The following TNRC6A variants were observed in gnomAD, a reference collection of about 807,000 sequenced individuals.
The protein encoded by TNRC6A is trinucleotide repeat-containing gene 6A protein.
A neutral mutation model predicts 221.2 loss-of-function variants in TNRC6A; 44 were observed. The ratio of observed to expected loss-of-function variants is 0.20; its 90% CI spans 0.16 to 0.26. TNRC6A has a LOEUF of 0.26. Among genes scored for constraint, TNRC6A ranks in the 10% least tolerant of loss-of-function variants. TNRC6A has a pLI of 1.00. For synonymous variants in TNRC6A, 847 were observed against 838.5 expected (o/e 1.01, Z -0.18); for missense variants, 2,199 against 2,404.4 (o/e 0.91, Z 1.79).
chr16:24,778,494 G>A (rs2057773210), intron 5 of TNRC6A: 17 of 985,154 alleles, frequency 1.7e-5, no homozygotes, highest in Non-Finnish European at 2.0e-5. Context: ...TAGGCACATT[G>A]TTATTGGAAA....
intron 20 of TNRC6A, among the ~76,000 whole-genome samples, chr16:24,817,409 C>T (rs1283301463): frequency 6.6e-6 from 1 of 152,028 alleles, no homozygotes; most frequent in Non-Finnish European, 1.5e-5. Context: ...TTGTAAAAGA[C>T]GTTATATTAT....
chr16:24,730,124 C>T lies in TNRC6A; in HGVS notation c.6-129C>T. ...GCCCCGCAGCTTTGTGAGTCCCCCT[C>T]CCCCCGTCCTCTCCCCTCCCCCATC... On this transcript the variant is annotated intron_variant, in intron 1 of 24. Transcript: ENST00000395799. 3 of 647,412 alleles carry T rather than the reference C, an allele frequency of 4.6e-6. 1 individual carries two copies. The highest frequency in any genetic ancestry group is 4.3e-5 in the South Asian group (2 of 46,194). The allele number at this position is 647,412 out of a possible 1,614,324, so 40.1% of individuals were successfully genotyped here. A position where few individuals can be genotyped will look rare whatever the true frequency, so the allele number is the denominator to read the frequency against.
chr16:24,793,791 G>C (rs940880140), intron 7 of TNRC6A, 142 bp downstream of exon 7: 20 of 801,010 alleles, frequency 2.5e-5, no homozygotes, highest in East Asian at 1.7e-4. Flanking sequence ...TCAGTATTTT[G>C]CTCTTTGATT....
rs141932841 is a variant in TNRC6A, at chr16:24,740,947, G to A, written c.54-9779G>A. On this transcript the variant is annotated intron_variant, in intron 2 of 24. Transcript: ENST00000395799. Reference sequence around the variant, plus strand: ...ACTTAGCATAGTGTCCTCAAGATTTGTCCATATTGTAGCGTGTGTCAGCCA... The same window carrying A: ...ACTTAGCATAGTGTCCTCAAGATTTATCCATATTGTAGCGTGTGTCAGCCA... 8.3e-4 allele frequency among the ~76,000 whole-genome samples: 126 copies of A among 152,254 alleles called. 1 individual carries two copies. Among genetic ancestry groups the A allele is most frequent in the African/African-American group, 2.9e-3 (121 of 41,558 alleles).
chr16:24,722,345 T>A (rs900013331), intron 2 of TNRC6A, among the ~76,000 whole-genome samples: 1 of 152,172 alleles, frequency 6.6e-6, no homozygotes, highest in Non-Finnish European at 1.5e-5. Context: ...GCCCAGGAGT[T>A]TGAGGCTGCA....
chr16:24,656,987 T>C (rs918641725), intron 2 of TNRC6A, among the ~76,000 whole-genome samples: 2 of 152,084 alleles, frequency 1.3e-5, no homozygotes, highest in Non-Finnish European at 2.9e-5. Context: ...AATAAAACCA[T>C]GACCTGGGTC....
At chr16:24,625,720 G>A (rs1246143634) in intron 1 of TNRC6A, among the ~76,000 whole-genome samples, 5 of 123,542 alleles carry the variant, frequency 4.0e-5, no homozygotes, top group African/African-American at 1.4e-4. Context: ...GCGACAGAGC[G>A]AGACTCCGTC....
intron 2 of TNRC6A, among the ~76,000 whole-genome samples, chr16:24,736,151 A>G (rs1689333820): frequency 1.3e-5 from 2 of 152,236 alleles, no homozygotes; most frequent in South Asian, 4.1e-4. Flanking sequence ...GCCTGGGCAC[A>G]AAAGCAAAAC....
rs977996672 is a variant in TNRC6A at position 24,825,214 on chromosome 16, A to C, written c.*1407A>C. 7 of 152,624 alleles carry C rather than the reference A, an allele frequency of 4.6e-5. No homozygotes were observed. The highest frequency in any genetic ancestry group is 1.7e-4 in the African/African-American group (7 of 41,532). 9.5% of individuals were successfully genotyped at this position (152,624 alleles called of 1,614,324 possible). On this transcript the variant is annotated 3_prime_UTR_variant, in exon 25 of 25. Coordinates refer to ENST00000395799, the MANE Select transcript of TNRC6A (RefSeq NM_014494.4). Reference sequence around the variant, plus strand: ...TTTCCTCCCCCCTTTTTTTGCCCACAAATGGTATTATAATGCTTGCTTAGT... The same window carrying C: ...TTTCCTCCCCCCTTTTTTTGCCCACCAATGGTATTATAATGCTTGCTTAGT...
intron 3 of TNRC6A, among the ~76,000 whole-genome samples, chr16:24,757,683 T>G (rs766815149): frequency 9.9e-5 from 15 of 152,180 alleles, no homozygotes; most frequent in Non-Finnish European, 1.9e-4. Context: ...GAGCAGACAT[T>G]GGAAGGCAGT....
At chr16:24,612,127 A>C (rs1365897674) in intron 1 of TNRC6A, among the ~76,000 whole-genome samples, 1 of 152,120 alleles carries the variant, frequency 6.6e-6, no homozygotes, top group African/African-American at 2.4e-5. Context: ...AAAGTAAAGT[A>C]AAATTAAATT....
intron 15 of TNRC6A, 106 bp downstream of exon 15, chr16:24,805,839 G>A: frequency 7.1e-7 from 1 of 1,410,900 alleles, no homozygotes; most frequent in South Asian, 1.3e-5. Flanking sequence ...AACAGGCGTA[G>A]TCATAGTCCT....
chr16:24,805,286 CTA>C, intron 14 of TNRC6A, 135 bp downstream of exon 14: 1 of 1,280,132 alleles, frequency 7.8e-7, no homozygotes. Context: ...TTTGAATTAA[CTA>C]TTAAAAAAGG....
chr16:24,819,117 GCTGT>G (rs1388916196), intron 21 of TNRC6A, among the ~76,000 whole-genome samples: 1 of 152,198 alleles, frequency 6.6e-6, no homozygotes, highest in Non-Finnish European at 1.5e-5. Flanking sequence ...ATGTCAGGTT[GCTGT>G]CTGTCTACAT....
At chr16:24,760,576 T>G (rs1359020818) in intron 4 of TNRC6A, among the ~76,000 whole-genome samples, 1 of 152,186 alleles carries the variant, frequency 6.6e-6, no homozygotes, top group Non-Finnish European at 1.5e-5. Context: ...TTGTTCCCAT[T>G]TTTTCTGATT....
At chr16:24,691,249 C>T (rs921119016) in intron 2 of TNRC6A, among the ~76,000 whole-genome samples, 1 of 151,878 alleles carries the variant, frequency 6.6e-6, no homozygotes, top group Non-Finnish European at 1.5e-5. Context: ...ACAGAGTCTT[C>T]CTCTATCACC....
In TNRC6A at chr16:24,790,765, T is replaced by G. The variant is rs1361326158; in HGVS notation, c.2123T>G (p.Val708Gly). The G allele has an allele frequency of 3.1e-6, 5 of 1,614,012 alleles. No individual in the cohort carries two copies. The highest frequency in any genetic ancestry group is 4.2e-6 in the Non-Finnish European group (5 of 1,180,036). Residue 708 changes from valine to glycine, a missense_variant, in exon 6 of 25, where the codon GTA (valine) becomes GGA (glycine). This residue lies in a region of TNRC6A where 1,405 missense variants were observed against 1,400.2 expected (regional missense o/e 1.00). Coordinates refer to ENST00000395799, the MANE Select transcript of TNRC6A (RefSeq NM_014494.4). The stretch of plus-strand genomic sequence containing the variant: ...CAGCACACATTACTCCAAAGCATTG[T>G]AAACAGAACTGACTTAGATCCACGT... ...IDQHTLLQSI[V>G]NRTDLDPRVL...
At chr16:24,765,247 A>G (rs904041691) in intron 4 of TNRC6A, among the ~76,000 whole-genome samples, 2 of 152,212 alleles carry the variant, frequency 1.3e-5, no homozygotes, top group Non-Finnish European at 2.9e-5. Flanking sequence ...CTGGATTCTC[A>G]GAGGAGAAAA....
chr16:24,793,808 C>A (rs145155278), intron 7 of TNRC6A, among the ~76,000 whole-genome samples, 159 bp downstream of exon 7: 3 of 152,154 alleles, frequency 2.0e-5, no homozygotes, highest in East Asian at 1.9e-4. Flanking sequence ...GATTTTGTAA[C>A]GTGGTTTATT....
Sources: allele counts gnomAD v4.1 joint callset (sites outside exome capture counted in the v4.1 genomes callset), GRCh38; gene constraint gnomAD v4.1.1; regional missense constraint gnomAD v4.1.1; transcripts MANE v1.5; gene names NCBI Gene and HGNC (gene_info 2026-07-23, HGNC 2026-07-21).